Variants in PSMD5 observed in about 807,000 individuals in gnomAD.
The protein encoded by PSMD5 is proteasome 26S subunit, non-ATPase 5.
In PSMD5, 40 loss-of-function variants were observed where a neutral mutation model predicts 52.1. The ratio of observed to expected loss-of-function variants is 0.77; its 90% confidence interval spans 0.60 to 1.00. PSMD5 has a LOEUF of 1.00. PSMD5 is among the 50% of genes least tolerant of loss of function. The pLI is 0.00. For synonymous variants in PSMD5, 211 were observed against 226.6 expected, an observed-to-expected ratio of 0.93 and a Z score of 0.62; for missense variants, 575 against 605.2, an observed-to-expected ratio of 0.95 and a Z score of 0.52.
At chr9:120,818,494 T>C (rs1333656276) in intron 9 of PSMD5, among the ~76,000 whole-genome samples, 2 of 152,124 alleles carry the variant, frequency 1.3e-5, no homozygotes, top group South Asian at 2.1e-4. Flanking sequence ...AAACCTGTTA[T>C]ATAAAAAAAG....
chr9:120,836,428 GCT>G (rs1211314046), intron 1 of PSMD5, among the ~76,000 whole-genome samples: 2 of 143,302 alleles, frequency 1.4e-5, no homozygotes, highest in Admixed American at 1.4e-4. Context: ...ATGGAGTCTC[GCT>G]CTGTTGCCCA....
intron 7 of PSMD5, among the ~76,000 whole-genome samples, chr9:120,823,537 A>C (rs2045101076): frequency 7.3e-6 from 1 of 137,252 alleles, no homozygotes; most frequent in Non-Finnish European, 1.5e-5. Flanking sequence ...TTTGAGATAG[A>C]ATTTCACTCT....
chr9:120,833,689 T>G (rs532684594), intron 1 of PSMD5, among the ~76,000 whole-genome samples: 84 of 146,310 alleles, frequency 5.7e-4, no homozygotes, highest in Middle Eastern at 3.4e-3. Context: ...TTTTTTTTTT[T>G]TTTTTTTGAG....
intron 8 of PSMD5, 80 bp downstream of exon 8, chr9:120,821,275 C>A: frequency 1.0e-6 from 1 of 972,686 alleles, no homozygotes; most frequent in African/African-American, 1.6e-5. Context: ...TTTACTTCAT[C>A]ACATTTATCA....
At chr9:120,841,991 A>G (rs1564480053) in intron 1 of PSMD5, 1 of 152,244 alleles carries the variant, frequency 6.6e-6, no homozygotes, top group Non-Finnish European at 1.5e-5. Context: ...ACCCTGAGCC[A>G]AATTCCTTTA....
In PSMD5 at chr9:120,829,156, G is replaced by A. The variant is rs760526111; in HGVS notation, c.614C>T (p.Thr205Ile). The A allele has an allele frequency of 3.1e-6, 5 of 1,608,460 alleles. No individual in the cohort carries two copies. The East Asian group carries it at 6.7e-5, about 22-fold the overall frequency. Residue 205 changes from threonine to isoleucine, a missense_variant, in exon 5 of 10, where the codon ACA (threonine) becomes ATA (isoleucine). Transcript: ENST00000210313. The stretch of plus-strand genomic sequence containing the variant: ...CAGGAGCTGGGTTACCAATCCACTT[G>A]TGGTACAGTAGTTTAAAGATTCTGG... Reference protein sequence around the residue: ...VSPESLNYCTTSGLVTQLLRE... With the variant: ...VSPESLNYCTISGLVTQLLRE...
intron 1 of PSMD5, among the ~76,000 whole-genome samples, chr9:120,833,975 CTTTTT>C (rs34657179): frequency 5.0e-5 from 4 of 80,320 alleles, no homozygotes; most frequent in Non-Finnish European, 7.1e-5. Flanking sequence ...CGCACCTGGC[CTTTTT>C]TTTTTTTTTT....
intron 7 of PSMD5, among the ~76,000 whole-genome samples, chr9:120,823,065 C>A (rs2045097222): frequency 6.6e-6 from 1 of 151,938 alleles, no homozygotes; most frequent in Non-Finnish European, 1.5e-5. Context: ...CCCGCCTTGG[C>A]CTCCTGAAGT....
chr9:120,840,865 G>A (rs985354032), intron 1 of PSMD5, among the ~76,000 whole-genome samples: 8 of 151,986 alleles, frequency 5.3e-5, no homozygotes, highest in African/African-American at 1.2e-4. Flanking sequence ...TGATCCACCC[G>A]CCTCGGCCTC....
intron 1 of PSMD5, 94 bp downstream of exon 1, chr9:120,842,643 G>A: frequency 2.0e-6 from 3 of 1,474,326 alleles, no homozygotes; most frequent in Middle Eastern, 1.7e-4. Context: ...CCTCCCCTGT[G>A]ACTGGGAAAA....
chr9:120,837,544 C>T (rs1312067608), intron 1 of PSMD5, among the ~76,000 whole-genome samples: 1 of 152,180 alleles, frequency 6.6e-6, no homozygotes, highest in African/African-American at 2.4e-5. Flanking sequence ...TTAAAGAAGT[C>T]TGTTTAACTC....
intron 1 of PSMD5, among the ~76,000 whole-genome samples, chr9:120,839,798 C>CTTTTTTTTTTTTTTTT (rs5900462): frequency 1.3e-5 from 1 of 78,542 alleles, no homozygotes; most frequent in African/African-American, 4.3e-5. Context: ...TTTTTTTAAT[C>CTTTTTTTTTTTTTTTT]TTTTTTTTTT....
chr9:120,841,148 T>C (rs2045232106), intron 1 of PSMD5, among the ~76,000 whole-genome samples: 1 of 152,248 alleles, frequency 6.6e-6, no homozygotes, highest in Non-Finnish European at 1.5e-5. Flanking sequence ...TAATAGTTTC[T>C]GGTGTACCTT....
At chr9:120,841,734 A>C (rs1458412893) in intron 1 of PSMD5, 1 of 152,186 alleles carries the variant, frequency 6.6e-6, no homozygotes, top group East Asian at 1.9e-4. Context: ...GGATATTTAG[A>C]TTGTTTCTAG....
intron 4 of PSMD5, among the ~76,000 whole-genome samples, chr9:120,831,122 G>A (rs891858486): frequency 3.3e-5 from 5 of 152,044 alleles, no homozygotes; most frequent in African/African-American, 1.2e-4. Flanking sequence ...GGCCTCAAGG[G>A]GTCCTCCTGC....
In PSMD5 at chr9:120,818,048, T is replaced by A; in HGVS notation, c.1373A>T (p.Glu458Val). ...HDKASKDAKY[E>V]LVKALANSKT... ...GGAATTGGCAAGTGCTTTCACTAGT[T>A]CATATTTGGCATCCTTTGAAGCTTT... The change falls in exon 10 of 10, where the codon GAA becomes GTA. Residue 458 changes from glutamate (E) to valine (V), a missense_variant. By Grantham distance (121) the Glu-to-Val change is moderately radical. Transcript: ENST00000210313. 1 of 1,614,228 alleles carries A rather than the reference T, an allele frequency of 6.2e-7. No individual in the cohort carries two copies. Among genetic ancestry groups the A allele is most frequent in the Non-Finnish European group, 8.5e-7 (1 of 1,180,036 alleles).
At chr9:120,836,679 G>C (rs1229467167) in intron 1 of PSMD5, among the ~76,000 whole-genome samples, 1 of 151,842 alleles carries the variant, frequency 6.6e-6, no homozygotes, top group African/African-American at 2.4e-5. Flanking sequence ...TTACAGGTGT[G>C]AGCCACCATG....
chr9:120,833,083 T>C (rs1273565460), intron 2 of PSMD5, among the ~76,000 whole-genome samples: 2 of 152,188 alleles, frequency 1.3e-5, no homozygotes, highest in African/African-American at 4.8e-5. Flanking sequence ...ATGATTTAGA[T>C]GGTACTTAAT....
intron 2 of PSMD5, among the ~76,000 whole-genome samples, chr9:120,832,636 TC>T (rs2045169589): frequency 6.6e-6 from 1 of 152,228 alleles, no homozygotes; most frequent in South Asian, 2.1e-4. Context: ...CCTCAGGTGA[TC>T]CGCCTGCCTT....
Sources: gnomAD v4.1 joint callset for allele counts (sites outside exome capture counted in the v4.1 genomes callset) on GRCh38, gnomAD v4.1.1 for gene constraint, MANE v1.5 for transcripts, NCBI Gene and HGNC (gene_info 2026-07-23, HGNC 2026-07-21) for gene names.